ALMS1: variants seen among roughly 807,000 people sequenced by gnomAD.
The protein encoded by ALMS1 is ALMS1 centrosome and basal body associated protein, also known as centrosome-associated protein ALMS1.
Under a neutral mutation model 352.2 loss-of-function variants are expected in ALMS1, and 271 were observed. That is an observed-to-expected ratio of 0.77 (90% confidence interval 0.70 to 0.85). The LOEUF (loss-of-function observed/expected upper bound fraction) is 0.85. ALMS1 is among the 40% of genes least tolerant of loss of function. ALMS1 has a pLI of 0.00. For missense variants in ALMS1, 5,445 were observed against 4,870.7 expected, an observed-to-expected ratio of 1.12 and a Z score of -3.51; for synonymous variants, 1,865 against 1,761.2, an observed-to-expected ratio of 1.06 and a Z score of -1.48.
intron 7 of ALMS1, among the ~76,000 whole-genome samples, chr2:73,439,116 CTT>C (rs11395640): frequency 1.4e-4 from 18 of 132,092 alleles, no homozygotes; most frequent in African/African-American, 2.9e-4. Flanking sequence ...TCCTCCTCCT[CTT>C]TTTTTTTTTT....
At chr2:73,495,408 G>A (rs955989425) in intron 10 of ALMS1, among the ~76,000 whole-genome samples, 1 of 152,032 alleles carries the variant, frequency 6.6e-6, no homozygotes, top group Non-Finnish European at 1.5e-5. Context: ...CTAATTTTCT[G>A]TATTTTTAGT....
rs1399037677 is a variant in ALMS1, at chr2:73,489,615, G to A, written c.7675-19G>A. 5.6e-6 allele frequency: 9 copies of A among 1,613,948 alleles called. No individual in the cohort carries two copies. The highest frequency in any genetic ancestry group is 6.8e-6 in the Non-Finnish European group (8 of 1,179,950). ...CTTGGACTACTTCAAATAAGAACCT[G>A]TTTGTTTGTATCTTCTAGGGTTTAC... On this transcript the variant is annotated intron_variant, in intron 9 of 22. Transcript: ENST00000613296.
chr2:73,417,969 A>G (rs1252640391), intron 2 of ALMS1, among the ~76,000 whole-genome samples: 1 of 152,236 alleles, frequency 6.6e-6, no homozygotes, highest in Non-Finnish European at 1.5e-5. Context: ...AGGTAAGTAT[A>G]GAAATTGAGA....
At chr2:73,521,146 A>AAT (rs1291134706) in intron 11 of ALMS1, among the ~76,000 whole-genome samples, 1 of 152,144 alleles carries the variant, frequency 6.6e-6, no homozygotes, top group East Asian at 1.9e-4. Context: ...GCATACCAAA[A>AAT]ATATATATAT....
intron 9 of ALMS1, among the ~76,000 whole-genome samples, chr2:73,480,413 T>G (rs1672673839): frequency 6.6e-6 from 1 of 152,186 alleles, no homozygotes; most frequent in African/African-American, 2.4e-5. Context: ...ACTCATCATT[T>G]TTTATGGCTG....
intron 11 of ALMS1, among the ~76,000 whole-genome samples, chr2:73,529,943 A>G (rs1473037275): frequency 2.0e-5 from 3 of 152,058 alleles, no homozygotes; most frequent in Admixed American, 6.6e-5. Context: ...TATCACAACA[A>G]CAGCATGAGA....
chr2:73,389,448 A>C (rs1670599314), intron 1 of ALMS1, among the ~76,000 whole-genome samples: 1 of 152,060 alleles, frequency 6.6e-6, no homozygotes, highest in Non-Finnish European at 1.5e-5. Context: ...TAGTTTAATT[A>C]AGTTCCATTT....
chr2:73,449,757 C>G lies in ALMS1; in HGVS notation c.3230C>G (p.Ser1077Ter). The G allele has an allele frequency of 6.2e-7, 1 of 1,614,166 alleles. No individual in the cohort carries two copies. Among genetic ancestry groups the G allele is most frequent in the South Asian group, 1.1e-5 (1 of 91,086 alleles). The change falls in exon 8 of 23, where the codon TCA (serine) becomes TGA (stop). Residue 1077 changes from serine (S) to a stop codon, truncating the protein, a stop_gained. Coordinates refer to ENST00000613296, the MANE Select transcript of ALMS1 (RefSeq NM_001378454.1). LOFTEE classifies it high-confidence loss of function. ...CTACCTGAAGAGAGTCTGAAAGTTTCAGCCTTCCCTGGACCAGCTGACCAG... is the reference window on the plus strand; with the variant it reads ...CTACCTGAAGAGAGTCTGAAAGTTTGAGCCTTCCCTGGACCAGCTGACCAG... ...SHLPEESLKV[S>*]AFPGPADQMT...
chr2:73,399,844 G>A (rs114086966), intron 1 of ALMS1, among the ~76,000 whole-genome samples: 3 of 151,636 alleles, frequency 2.0e-5, no homozygotes, highest in South Asian at 2.1e-4. Flanking sequence ...TGAGAATATC[G>A]TGAAGAGGTT....
At chr2:73,538,676 A>C (rs1263532089) in intron 12 of ALMS1, among the ~76,000 whole-genome samples, 3 of 152,036 alleles carry the variant, frequency 2.0e-5, no homozygotes, top group African/African-American at 7.2e-5. Flanking sequence ...AAATCGGGTC[A>C]CTCCCACCCT....
chr2:73,400,756 A>G (rs1670857311), intron 1 of ALMS1, among the ~76,000 whole-genome samples: 1 of 151,982 alleles, frequency 6.6e-6, no homozygotes, highest in Non-Finnish European at 1.5e-5. Context: ...TATCCTTTTA[A>G]TGTCCATGAG....
chr2:73,500,247 TC>T (rs532221127), intron 10 of ALMS1, among the ~76,000 whole-genome samples: 1 of 152,218 alleles, frequency 6.6e-6, no homozygotes, highest in African/African-American at 2.4e-5. Context: ...GGTTAAAAAT[TC>T]CAGCCAGCCT....
intron 10 of ALMS1, among the ~76,000 whole-genome samples, chr2:73,505,776 G>T (rs764185310): frequency 1.3e-5 from 2 of 152,130 alleles, no homozygotes; most frequent in Non-Finnish European, 2.9e-5. Context: ...CTTTTGCTGT[G>T]CAGAAGCTCT....
intron 10 of ALMS1, among the ~76,000 whole-genome samples, chr2:73,500,617 A>G (rs1466418360): frequency 6.6e-6 from 1 of 152,102 alleles, no homozygotes; most frequent in Admixed American, 6.5e-5. Context: ...CACACTCTAT[A>G]TAGAGTGTTG....
At position 73,468,769 on chromosome 2, in the gene ALMS1, CTATT is replaced by C. The variant is rs528792821; in HGVS notation, c.7674+13475_7674+13478del. On this transcript the variant is annotated intron_variant, in intron 9 of 22. Transcript: ENST00000613296. ...TATAGTTGGATCATTCTGCCAATCT[CTATT>C]GATTAAATTTATTTACTTTTAAAGT... is the stretch of plus-strand genomic sequence containing the variant. Among the ~76,000 whole-genome samples, 87 of 152,094 alleles carry C rather than the reference CTATT, an allele frequency of 5.7e-4. 1 individual carries two copies. In the South Asian group the frequency reaches 0.013, roughly 24 times the overall value.
chr2:73,586,832 T>C (rs955295819), intron 16 of ALMS1, among the ~76,000 whole-genome samples: 2 of 152,202 alleles, frequency 1.3e-5, no homozygotes, highest in African/African-American at 4.8e-5. Flanking sequence ...TGTAGATTGC[T>C]TTTGGCAATA....
Position 73,419,061 on chromosome 2 carries a change from A to C in ALMS1, c.451-62A>C, listed in dbSNP as rs1671234867. On this transcript the variant is annotated intron_variant, in intron 2 of 22. Transcript: ENST00000613296. ...TACATGAGTGGACATTTTCATCTAA[A>C]TATTAATATGTATGGTAACTCAGTT... The C allele has an allele frequency of 2.9e-6, 4 of 1,373,890 alleles. No individual in the cohort carries two copies. In the South Asian group the frequency reaches 4.7e-5, roughly 16 times the overall value. The allele number at this position is 1,373,890 out of a possible 1,614,324, so 85.1% of individuals were successfully genotyped here.
At chr2:73,513,753 C>T (rs1240416676) in intron 10 of ALMS1, among the ~76,000 whole-genome samples, 4 of 152,156 alleles carry the variant, frequency 2.6e-5, no homozygotes. Flanking sequence ...CATGGAAGCC[C>T]TCCATATCCT....
intron 11 of ALMS1, among the ~76,000 whole-genome samples, chr2:73,520,407 A>G (rs1470926473): frequency 6.6e-6 from 1 of 152,244 alleles, no homozygotes; most frequent in Non-Finnish European, 1.5e-5. Flanking sequence ...GAGAGTATGT[A>G]TATACTAAAT....
Sources: gnomAD v4.1 joint callset for allele counts (sites outside exome capture counted in the v4.1 genomes callset) on GRCh38, gnomAD v4.1.1 for gene constraint, MANE v1.5 for transcripts, NCBI Gene and HGNC (gene_info 2026-07-23, HGNC 2026-07-21) for gene names.